Variants in GPC6 observed in about 807,000 individuals in gnomAD.
GPC6 encodes the protein glypican-6.
A neutral mutation model predicts 55.2 loss-of-function variants in GPC6; 14 were observed. The ratio of observed to expected loss-of-function variants is 0.25; its 90% CI spans 0.17 to 0.40. GPC6 has a LOEUF of 0.40. GPC6 is among the 10% of genes least tolerant of loss of function. The pLI is 1.00. For missense variants in GPC6, 641 were observed against 708.5 expected (o/e 0.90, Z 1.08); for synonymous variants, 278 against 259.6 (o/e 1.07, Z -0.68).
chr13:93,546,045 A>G (rs953326414), intron 2 of GPC6, among the ~76,000 whole-genome samples: 4 of 152,366 alleles, frequency 2.6e-5, no homozygotes, highest in African/African-American at 7.2e-5. Flanking sequence ...TTTTCGCATT[A>G]GAGCCTGAAT....
intron 1 of GPC6, among the ~76,000 whole-genome samples, chr13:93,390,219 A>T (rs189865835): frequency 1.1e-4 from 17 of 152,238 alleles, no homozygotes; most frequent in East Asian, 9.7e-4. Context: ...TAGTTTTCCA[A>T]ACTGCCTTGT....
At chr13:94,253,432 CT>C (rs562800419) in intron 4 of GPC6, among the ~76,000 whole-genome samples, 1 of 151,976 alleles carries the variant, frequency 6.6e-6, no homozygotes, top group East Asian at 1.9e-4. Flanking sequence ...AACGGTTCTT[CT>C]TTTTTTTATT....
chr13:94,336,126 A>G (rs1434246522), intron 6 of GPC6, among the ~76,000 whole-genome samples: 3 of 152,286 alleles, frequency 2.0e-5, no homozygotes, highest in Non-Finnish European at 4.4e-5. Flanking sequence ...AAAATGAGCC[A>G]TGACACACCC....
At chr13:93,757,343 G>A (rs1463439523) in intron 2 of GPC6, among the ~76,000 whole-genome samples, 1 of 152,112 alleles carries the variant, frequency 6.6e-6, no homozygotes, top group Non-Finnish European at 1.5e-5. Context: ...ATTGTAAAGG[G>A]GGCATCCGGG....
chr13:93,838,992 G>GAAAAC (rs1236405039), intron 3 of GPC6, among the ~76,000 whole-genome samples: 10 of 152,254 alleles, frequency 6.6e-5, no homozygotes, highest in African/African-American at 2.4e-4. Flanking sequence ...AGAGAGTTCT[G>GAAAAC]AAAACAAAGA....
chr13:94,146,081 C>T (rs1489167056), intron 4 of GPC6, among the ~76,000 whole-genome samples: 2 of 152,144 alleles, frequency 1.3e-5, no homozygotes, highest in Non-Finnish European at 2.9e-5. Flanking sequence ...TGCAAGAATG[C>T]ATGTTTTCTG....
intron 5 of GPC6, among the ~76,000 whole-genome samples, chr13:94,300,052 A>G (rs1422962039): frequency 2.0e-5 from 3 of 152,156 alleles, no homozygotes; most frequent in Non-Finnish European, 4.4e-5. Context: ...ATTTAATATA[A>G]AAGATTAGAG....
intron 4 of GPC6, among the ~76,000 whole-genome samples, chr13:94,210,384 T>C (rs182882647): frequency 1.3e-5 from 2 of 151,842 alleles, no homozygotes; most frequent in East Asian, 3.9e-4. Flanking sequence ...TCCAAACTCC[T>C]AACCTCAGGT....
intron 1 of GPC6, among the ~76,000 whole-genome samples, chr13:93,460,983 C>G (rs1878661465): frequency 6.6e-6 from 1 of 152,058 alleles, no homozygotes; most frequent in African/African-American, 2.4e-5. Context: ...AATGAGGGCT[C>G]CATCAGCTAT....
At chr13:93,306,471 G>A (rs1355101641) in intron 1 of GPC6, among the ~76,000 whole-genome samples, 2 of 151,900 alleles carry the variant, frequency 1.3e-5, no homozygotes, top group African/African-American at 4.8e-5. Flanking sequence ...GATCAATCTG[G>A]TGATCTATTT....
chr13:94,306,232 CT>C (rs780117439), intron 6 of GPC6, 109 bp downstream of exon 6: 7 of 1,033,344 alleles, frequency 6.8e-6, no homozygotes, highest in Non-Finnish European at 1.1e-5. Context: ...TCATCTCATG[CT>C]TATATCTGCC....
intron 4 of GPC6, chr13:94,187,909 C>G (rs1209039611): frequency 6.6e-6 from 1 of 152,174 alleles, no homozygotes; most frequent in East Asian, 1.9e-4. Flanking sequence ...ATACTGAATT[C>G]CTGGGCCCAG....
intron 6 of GPC6, among the ~76,000 whole-genome samples, chr13:94,343,119 C>T (rs138631095): frequency 5.3e-4 from 80 of 152,282 alleles, no homozygotes; most frequent in African/African-American, 1.8e-3. Flanking sequence ...CATGTAGCAA[C>T]GAGGTGTCTA....
intron 6 of GPC6, among the ~76,000 whole-genome samples, chr13:94,374,664 TCAAC>T (rs1879750703): frequency 6.6e-6 from 1 of 151,104 alleles, no homozygotes; most frequent in Admixed American, 6.6e-5. Flanking sequence ...AGACAGAAAG[TCAAC>T]AAGGAAACCC....
chr13:94,339,035 T>A (rs1877878884), intron 6 of GPC6, among the ~76,000 whole-genome samples: 1 of 152,024 alleles, frequency 6.6e-6, no homozygotes, highest in African/African-American at 2.4e-5. Context: ...TACCAAGGGT[T>A]CAGTGTGAAG....
intron 1 of GPC6, among the ~76,000 whole-genome samples, chr13:93,282,103 A>G (rs1054637079): frequency 6.6e-6 from 1 of 152,180 alleles, no homozygotes; most frequent in African/African-American, 2.4e-5. Context: ...TTGAACATTT[A>G]CTAGGAAGTT....
At chr13:94,010,324 T>A (rs1882195394) in intron 3 of GPC6, among the ~76,000 whole-genome samples, 1 of 152,176 alleles carries the variant, frequency 6.6e-6, no homozygotes, top group South Asian at 2.1e-4. Flanking sequence ...AGACAGACAT[T>A]AACATCAGAA....
At chr13:93,799,255 G>A (rs1421937514) in intron 2 of GPC6, among the ~76,000 whole-genome samples, 1 of 152,002 alleles carries the variant, frequency 6.6e-6, no homozygotes, top group Non-Finnish European at 1.5e-5. Flanking sequence ...AGTTGTGTTA[G>A]GTATTTGAAA....
rs570584037 is a variant in GPC6 at position 93,363,105 on chromosome 13, T to C, written c.160+135489T>C. Among the ~76,000 whole-genome samples the C allele has an allele frequency of 8.3e-3, 1,171 of 141,408 alleles. 16 individuals carry two copies. Among genetic ancestry groups the C allele is most frequent in the African/African-American group, 0.03 (1,129 of 37,166 alleles). The allele number at this position is 141,408 out of a possible 152,430, so 92.8% of individuals were successfully genotyped here. ...TAGGTTTTGTGTCTTTTTTTTTCTT[T>C]CCTTTTTTTTTGTTTTTTTTTTTGT... On this transcript the variant is annotated intron_variant, in intron 1 of 8. Coordinates refer to ENST00000377047, the MANE Select transcript of GPC6 (RefSeq NM_005708.5).
Sources: allele counts gnomAD v4.1 joint callset (sites outside exome capture counted in the v4.1 genomes callset), GRCh38; gene constraint gnomAD v4.1.1; transcripts MANE v1.5; gene names NCBI Gene and HGNC (gene_info 2026-07-23, HGNC 2026-07-21).